The following PCDHA7 variants were observed in gnomAD, a reference collection of about 807,000 sequenced individuals.
PCDHA7 encodes the protein protocadherin alpha 7.
A neutral mutation model predicts 57.2 loss-of-function variants in PCDHA7; 37 were observed. That is an observed-to-expected ratio of 0.65 (90% CI 0.50 to 0.85). PCDHA7 has a LOEUF of 0.85. Among genes scored for constraint, PCDHA7 ranks in the 40% least tolerant of loss-of-function variants. The probability of loss-of-function intolerance (pLI) is 0.00; values close to 1 mark genes in which losing one functional copy is unlikely to be tolerated. For synonymous variants in PCDHA7, 553 were observed against 558.8 expected, an observed-to-expected ratio of 0.99 and a Z score of 0.15; for missense variants, 1,188 against 1,241.8, an observed-to-expected ratio of 0.96 and a Z score of 0.65.
chr5:140,870,759 G>C, intron 1 of PCDHA7: 1 of 1,613,572 alleles, frequency 6.2e-7, no homozygotes, highest in South Asian at 1.1e-5. Context: ...CGCTGCAGGT[G>C]TTCGTGCTGG....
In PCDHA7 at chr5:140,871,203, C is replaced by A. The variant is rs369236762; in HGVS notation, c.2355+34465C>A. On this transcript the variant is annotated intron_variant, in intron 1 of 3. Transcript: ENST00000525929. ...TGGTGGATGTCAACGTGTACCTGAT[C>A]ATCGCCATCTGCGTGGTGTCCAGCC... The A allele has an allele frequency of 6.3e-5, 101 of 1,613,744 alleles. No homozygotes were observed. The African/African-American group carries it at 1.3e-3, about 21-fold the overall frequency.
intron 1 of PCDHA7, chr5:140,883,965 T>A (rs781999874): frequency 1.9e-6 from 3 of 1,613,128 alleles, no homozygotes; most frequent in Non-Finnish European, 2.5e-6. Context: ...CCGGCGCTGC[T>A]GACGCCCGGG....
intron 1 of PCDHA7, chr5:140,852,356 C>A: frequency 4.8e-6 from 1 of 206,680 alleles, no homozygotes; most frequent in Non-Finnish European, 9.4e-6. Flanking sequence ...TGGCTCACTG[C>A]AACGTCTGCC....
chr5:140,962,288 A>G (rs1310558261), intron 1 of PCDHA7, among the ~76,000 whole-genome samples: 2 of 152,192 alleles, frequency 1.3e-5, no homozygotes, highest in African/African-American at 4.8e-5. Flanking sequence ...TCAACCTTTA[A>G]TATTCTATGA....
intron 1 of PCDHA7, chr5:140,877,799 T>C: frequency 1.2e-6 from 2 of 1,613,438 alleles, no homozygotes; most frequent in Non-Finnish European, 1.7e-6. Context: ...AGCCCAAGCC[T>C]TCAGCTGTCT....
intron 1 of PCDHA7, among the ~76,000 whole-genome samples, chr5:140,902,102 GA>G (rs782818661): frequency 1.3e-5 from 2 of 151,098 alleles, no homozygotes; most frequent in Non-Finnish European, 2.9e-5. Context: ...GGAGTCTTTA[GA>G]TTTTTTTAAA....
chr5:140,882,490 T>C, intron 1 of PCDHA7: 1 of 1,614,024 alleles, frequency 6.2e-7, no homozygotes, highest in Non-Finnish European at 8.5e-7. Context: ...ACGGGGACCT[T>C]CTGGAGGTAA....
chr5:140,888,322 C>T (rs983342995), intron 1 of PCDHA7, among the ~76,000 whole-genome samples: 23 of 152,148 alleles, frequency 1.5e-4, no homozygotes, highest in African/African-American at 5.6e-4. Context: ...TGCCTGGATA[C>T]ATTTTTGGTT....
intron 1 of PCDHA7, chr5:140,850,409 C>G: frequency 6.3e-7 from 1 of 1,597,868 alleles, no homozygotes; most frequent in South Asian, 1.1e-5. Flanking sequence ...GTGCCCTGGA[C>G]GAAACGGACG....
chr5:140,853,250 TTCTC>T (rs2042687770), intron 1 of PCDHA7: 1 of 976,068 alleles, frequency 1.0e-6, no homozygotes, highest in Non-Finnish European at 1.2e-6. Context: ...TTAATCTCTA[TTCTC>T]TCTCAGAGTA....
At chr5:140,943,826 GA>G (rs1186583699) in intron 1 of PCDHA7, among the ~76,000 whole-genome samples, 5 of 152,198 alleles carry the variant, frequency 3.3e-5, no homozygotes, top group African/African-American at 1.2e-4. Flanking sequence ...AAAATGAGTT[GA>G]TTGAAGTTGT....
intron 1 of PCDHA7, chr5:140,926,758 G>C: frequency 2.3e-6 from 3 of 1,302,056 alleles, no homozygotes; most frequent in Non-Finnish European, 3.0e-6. Flanking sequence ...CGGTCGCTGA[G>C]TATCCAGCCC....
intron 3 of PCDHA7, among the ~76,000 whole-genome samples, chr5:140,992,572 G>T (rs1441448703): frequency 2.0e-5 from 3 of 152,148 alleles, no homozygotes; most frequent in Non-Finnish European, 4.4e-5. Flanking sequence ...AACACATATT[G>T]CCTGCCTTGT....
intron 1 of PCDHA7, among the ~76,000 whole-genome samples, chr5:140,953,598 T>C (rs1189793307): frequency 2.6e-5 from 4 of 152,188 alleles, no homozygotes; most frequent in South Asian, 2.1e-4. Context: ...CTTTTGTTTA[T>C]TCCCCAGAGT....
chr5:140,838,904 T>C (rs1357906412), intron 1 of PCDHA7, among the ~76,000 whole-genome samples: 2 of 151,878 alleles, frequency 1.3e-5, no homozygotes, highest in Non-Finnish European at 2.9e-5. Flanking sequence ...GACAGAGCAA[T>C]ACCTTGCCTC....
intron 1 of PCDHA7, chr5:140,926,540 T>G: frequency 4.6e-6 from 1 of 215,362 alleles, no homozygotes; most frequent in Non-Finnish European, 9.1e-6. Context: ...GCCAGCGTGG[T>G]GGTCGAGACC....
chr5:141,000,924 G>C (rs375816680), intron 3 of PCDHA7, among the ~76,000 whole-genome samples: 97 of 152,046 alleles, frequency 6.4e-4, no homozygotes, highest in African/African-American at 2.2e-3. Context: ...AAAAAATCCT[G>C]TGTGATTTAG....
At chr5:140,843,641 C>G (rs2150364392) in intron 1 of PCDHA7, 1 of 1,595,514 alleles carries the variant, frequency 6.3e-7, no homozygotes, top group Admixed American at 1.7e-5. Context: ...GGCCTTCAGC[C>G]CCTGCCTTCC....
chr5:140,877,706 T>TG (rs781796819), intron 1 of PCDHA7: 16 of 1,613,800 alleles, frequency 9.9e-6, no homozygotes, highest in Non-Finnish European at 1.4e-5. Context: ...TCCAGCGCCG[T>TG]GGGGAGTTGG....
Sources: allele counts gnomAD v4.1 joint callset (sites outside exome capture counted in the v4.1 genomes callset), GRCh38; gene constraint gnomAD v4.1.1; transcripts MANE v1.5; gene names NCBI Gene and HGNC (gene_info 2026-07-23, HGNC 2026-07-21).